The following ANKRD44 variants were observed in gnomAD, a reference collection of about 807,000 sequenced individuals.
The protein encoded by ANKRD44 is serine/threonine-protein phosphatase 6 regulatory ankyrin repeat subunit B.
ANKRD44 carries 35 observed loss-of-function variants against 116.0 expected under a neutral mutation model. The ratio of observed to expected loss-of-function variants is 0.30; its 90% CI spans 0.23 to 0.40. The LOEUF (loss-of-function observed/expected upper bound fraction) is 0.40. Among genes scored for constraint, ANKRD44 ranks in the 10% least tolerant of loss-of-function variants. ANKRD44 has a pLI of 1.00. For synonymous variants in ANKRD44, 435 were observed against 461.8 expected (o/e 0.94, Z 0.74); for missense variants, 1,014 against 1,242.6 (o/e 0.82, Z 2.77).
chr2:197,302,172 G>C (rs1445600860), intron 1 of ANKRD44: 2 of 150,726 alleles, frequency 1.3e-5, no homozygotes, highest in African/African-American at 5.1e-5. Context: ...CAGCAGACAA[G>C]GCTGGACAGT....
intron 1 of ANKRD44, among the ~76,000 whole-genome samples, chr2:197,302,863 T>C (rs2083952746): frequency 6.6e-6 from 1 of 152,246 alleles, no homozygotes; most frequent in Non-Finnish European, 1.5e-5. Context: ...ACATGTTATT[T>C]GGGTTCAATA....
intron 2 of ANKRD44, among the ~76,000 whole-genome samples, chr2:197,180,988 T>A (rs984017762): frequency 6.6e-6 from 1 of 152,208 alleles, no homozygotes; most frequent in African/African-American, 2.4e-5. Flanking sequence ...GCTCTTGAGA[T>A]TCAATAATTA....
At chr2:197,262,148 A>T (rs2082622088) in intron 1 of ANKRD44, among the ~76,000 whole-genome samples, 1 of 152,264 alleles carries the variant, frequency 6.6e-6, no homozygotes, top group African/African-American at 2.4e-5. Context: ...CCTCTGATAC[A>T]GCACTCTGGG....
Position 197,090,004 on chromosome 2 carries a change from G to T in ANKRD44, c.1129C>A (p.His377Asn). 6.2e-7 allele frequency: 1 copy of T among 1,614,088 alleles called. No homozygotes were observed. The highest frequency in any genetic ancestry group is 8.5e-7 in the Non-Finnish European group (1 of 1,179,970). The change falls in exon 11 of 28, where the codon CAT becomes AAT. Residue 377 changes from histidine to asparagine, a missense_variant. By Grantham distance (68) the His-to-Asn change is moderately conservative. Coordinates refer to ENST00000282272, the MANE Select transcript of ANKRD44 (RefSeq NM_001195144.2). Reference sequence around the variant, plus strand: ...GAGTGAGCATTTAGGGCAGCTAAATGTAAAGGGAACATGCTATGGATTCCA... The same window carrying T: ...GAGTGAGCATTTAGGGCAGCTAAATTTAAAGGGAACATGCTATGGATTCCA... ...KCGIHSMFPL[H>N]LAALNAHSDC...
At chr2:197,102,128 A>C (rs1004899985) in intron 9 of ANKRD44, among the ~76,000 whole-genome samples, 1 of 152,230 alleles carries the variant, frequency 6.6e-6, no homozygotes, top group African/African-American at 2.4e-5. Flanking sequence ...TCACTTCTAA[A>C]GATGACTTCT....
At chr2:197,053,983 G>A (rs1047562212) in intron 16 of ANKRD44, among the ~76,000 whole-genome samples, 1 of 152,062 alleles carries the variant, frequency 6.6e-6, no homozygotes, top group African/African-American at 2.4e-5. Flanking sequence ...TATCTCTAAG[G>A]ATAAGTACAC....
chr2:197,021,518 T>C (rs1025798071), intron 17 of ANKRD44, among the ~76,000 whole-genome samples: 1 of 152,250 alleles, frequency 6.6e-6, no homozygotes, highest in Non-Finnish European at 1.5e-5. Flanking sequence ...TGGTATCTCA[T>C]TGCGGTTTTG....
chr2:197,088,556 T>G (rs1469899521), intron 12 of ANKRD44, among the ~76,000 whole-genome samples, 155 bp downstream of exon 12: 1 of 152,194 alleles, frequency 6.6e-6, no homozygotes, highest in African/African-American at 2.4e-5. Flanking sequence ...ACAAAATGCT[T>G]GTGATGTGGA....
chr2:197,071,783 G>C (rs1266964600), intron 16 of ANKRD44, among the ~76,000 whole-genome samples: 2 of 152,194 alleles, frequency 1.3e-5, no homozygotes, highest in African/African-American at 2.4e-5. Flanking sequence ...TGTTGAGAGA[G>C]AGGTGCTAAA....
chr2:197,301,149 A>T (rs1468150062), intron 1 of ANKRD44: 1 of 152,236 alleles, frequency 6.6e-6, no homozygotes, highest in Non-Finnish European at 1.5e-5. Flanking sequence ...TATTAGGATT[A>T]AATCACGTAA....
chr2:197,276,275 C>CA (rs11351342), intron 1 of ANKRD44, among the ~76,000 whole-genome samples: 36,571 of 107,840 alleles, frequency 0.34, 6,907 homozygotes, highest in East Asian at 0.6. Context: ...AACTTGGTCT[C>CA]AAAAAAAAAA....
chr2:197,275,338 C>A (rs1409978905), intron 1 of ANKRD44, among the ~76,000 whole-genome samples: 1 of 150,156 alleles, frequency 6.7e-6, no homozygotes, highest in Non-Finnish European at 1.5e-5. Context: ...TGGTCTTGAA[C>A]TCCTGGGCTC....
At chr2:197,310,299 G>A (rs1574493111) in intron 1 of ANKRD44, among the ~76,000 whole-genome samples, 2 of 104,384 alleles carry the variant, frequency 1.9e-5, no homozygotes, top group African/African-American at 7.3e-5. Context: ...CAGCCCCGCC[G>A]GGCCCGCGGC....
At chr2:197,129,035 C>T (rs576395993) in intron 4 of ANKRD44, among the ~76,000 whole-genome samples, 16 of 152,108 alleles carry the variant, frequency 1.1e-4, no homozygotes, top group East Asian at 1.9e-4. Context: ...AGTTTCTGAC[C>T]ACCTACTCTT....
Position 196,988,248 on chromosome 2 carries a change from C to G in ANKRD44, c.*1343G>C. 1.0e-6 allele frequency: 1 copy of G among 985,428 alleles called. No homozygotes were observed. Among genetic ancestry groups the G allele is most frequent in the Non-Finnish European group, 1.2e-6 (1 of 829,940 alleles). The allele number at this position is 985,428 out of a possible 1,614,324, so 61.0% of individuals were successfully genotyped here. On this transcript the variant is annotated 3_prime_UTR_variant, in exon 28 of 28. Transcript: ENST00000282272. ...ATGCCAACTGAGCAAGATTTCCATT[C>G]ACTTCTAGAAAAAGACACCGCAGCA...
At chr2:197,068,370 TA>T (rs1190741958) in intron 16 of ANKRD44, among the ~76,000 whole-genome samples, 7 of 70,376 alleles carry the variant, frequency 9.9e-5, no homozygotes, top group African/African-American at 1.3e-4. Flanking sequence ...ATAAAAAAAA[TA>T]AAAAAAAGAA....
At chr2:197,249,515 C>T (rs556691921) in intron 1 of ANKRD44, among the ~76,000 whole-genome samples, 5 of 152,132 alleles carry the variant, frequency 3.3e-5, no homozygotes, top group Admixed American at 3.3e-4. Context: ...CAAGAAAATA[C>T]ACAACATCTT....
In ANKRD44 at chr2:196,987,632, G is replaced by A. The variant is rs2075852691; in HGVS notation, c.*1959C>T. 1 of 985,242 alleles carries A rather than the reference G, an allele frequency of 1.0e-6. No individual in the cohort carries two copies. Among genetic ancestry groups the A allele is most frequent in the Admixed American group, 6.2e-5 (1 of 16,258 alleles). The allele number at this position is 985,242 out of a possible 1,614,324, so 61.0% of individuals were successfully genotyped here. A position where few individuals can be genotyped will look rare whatever the true frequency, so the allele number is the denominator to read the frequency against. On this transcript the variant is annotated 3_prime_UTR_variant, in exon 28 of 28. Coordinates refer to ENST00000282272, the MANE Select transcript of ANKRD44 (RefSeq NM_001195144.2). ...AACATACTATGGTGCCCTTTTAGTA[G>A]TGATAAATAGAAATACCCTGAGCTA...
Position 197,258,270 on chromosome 2 carries a change from C to CTTTTTTTTTTTTTT in ANKRD44, c.27+52294_27+52307dup, listed in dbSNP as rs71395680. ...CATGTGCCGCCACACTTGGCTAATC[C>CTTTTTTTTTTTTTT]TTTTTTTTTTTTTTTTTTTTTTTTT... On this transcript the variant is annotated intron_variant, in intron 1 of 27. Transcript: ENST00000282272. Among the ~76,000 whole-genome samples, 629 of 79,248 alleles carry CTTTTTTTTTTTTTT rather than the reference C, an allele frequency of 7.9e-3. 1 individual carries two copies. The highest frequency in any genetic ancestry group is 0.011 in the African/African-American group (171 of 16,250). 52.0% of individuals were successfully genotyped at this position (79,248 alleles called of 152,430 possible).
Sources: allele counts gnomAD v4.1 joint callset (sites outside exome capture counted in the v4.1 genomes callset), GRCh38; gene constraint gnomAD v4.1.1; transcripts MANE v1.5; gene names NCBI Gene and HGNC (gene_info 2026-07-23, HGNC 2026-07-21).